Variants in WDR27 observed in about 807,000 individuals in gnomAD.
WDR27 encodes the protein WD repeat domain 27, also known as WD repeat-containing protein 27.
In WDR27, 100 loss-of-function variants were observed where a neutral mutation model predicts 114.4. That is an observed-to-expected ratio of 0.87 (90% CI 0.74 to 1.03). The LOEUF is 1.03. Ranked by LOEUF, WDR27 falls within the 50% of genes least tolerant of loss-of-function variation. WDR27 has a pLI of 0.00. For missense variants in WDR27, 1,129 were observed against 1,092.9 expected, an observed-to-expected ratio of 1.03 and a Z score of -0.47; for synonymous variants, 449 against 423.1, an observed-to-expected ratio of 1.06 and a Z score of -0.75.
At chr6:169,511,824 A>G (rs1583881168) in intron 25 of WDR27, among the ~76,000 whole-genome samples, 1 of 152,218 alleles carries the variant, frequency 6.6e-6, no homozygotes, top group Admixed American at 6.5e-5. Context: ...AAATTGATGG[A>G]TAGATGGGTG....
intron 8 of WDR27, 89 bp downstream of exon 8, chr6:169,664,077 T>A: frequency 8.1e-7 from 1 of 1,227,310 alleles, no homozygotes; most frequent in Non-Finnish European, 1.1e-6. Context: ...GATCTCTCTC[T>A]CCCCTGTGTG....
chr6:169,658,106 C>G (rs961947517), intron 13 of WDR27, 170 bp downstream of exon 13: 2 of 585,542 alleles, frequency 3.4e-6, no homozygotes, highest in African/African-American at 3.7e-5. Flanking sequence ...TTCCCCACCA[C>G]AGCGGACATG....
intron 7 of WDR27, chr6:169,664,761 A>C (rs1827302110): frequency 1.0e-6 from 1 of 995,044 alleles, no homozygotes; most frequent in East Asian, 1.1e-4. Flanking sequence ...ATGAACTTAA[A>C]AGGCTCACCT....
the WDR27 span, among the ~76,000 whole-genome samples, chr6:169,428,611 G>C: frequency 2.0e-5 from 3 of 151,256 alleles, no homozygotes; most frequent in East Asian, 5.8e-4. Flanking sequence ...GGGGGGGAGG[G>C]GGGGGTTCTA....
chr6:169,613,526 AC>A, intron 22 of WDR27, 32 bp downstream of exon 22: 1 of 1,526,558 alleles, frequency 6.6e-7, no homozygotes, highest in Non-Finnish European at 9.1e-7. Flanking sequence ...TGAGCTCCCC[AC>A]CCCTGCAGTG....
chr6:169,635,653 C>T (rs775924827), intron 19 of WDR27, among the ~76,000 whole-genome samples: 13 of 152,220 alleles, frequency 8.5e-5, no homozygotes, highest in Non-Finnish European at 1.5e-4. Flanking sequence ...GGTCCCAACC[C>T]GATGTCCCTC....
chr6:169,583,504 TGTATATATACAC>T (rs1477792960), intron 23 of WDR27, among the ~76,000 whole-genome samples: 659 of 25,042 alleles, frequency 0.026, 9 homozygotes, highest in Admixed American at 0.044. Context: ...TATATATATA[TGTATATATACAC>T]ACACACACAC....
chr6:169,455,838 G>T (rs1367228668), downstream of WDR27, among the ~76,000 whole-genome samples: 5 of 152,180 alleles, frequency 3.3e-5, no homozygotes, highest in African/African-American at 1.2e-4. Flanking sequence ...AGTTTGTTTT[G>T]TCCTAAGTCT....
the WDR27 span, among the ~76,000 whole-genome samples, chr6:169,428,691 C>T: frequency 1.3e-5 from 2 of 152,182 alleles, no homozygotes; most frequent in Non-Finnish European, 1.5e-5. Flanking sequence ...GCAGCAGAGC[C>T]TGCAGTGAAG....
At chr6:169,652,793 T>C (rs527369935) in intron 13 of WDR27, among the ~76,000 whole-genome samples, 1 of 152,392 alleles carries the variant, frequency 6.6e-6, no homozygotes, top group South Asian at 2.1e-4. Context: ...AAACTATTTA[T>C]ATAATTGTTC....
chr6:169,663,465 A>G (rs1326220072), intron 8 of WDR27: 2 of 152,238 alleles, frequency 1.3e-5, no homozygotes, highest in Non-Finnish European at 1.5e-5. Context: ...TGCACACACC[A>G]ATGAAAGAGG....
At chr6:169,465,268 A>G (rs1158494084) in intron 25 of WDR27, among the ~76,000 whole-genome samples, 3 of 151,178 alleles carry the variant, frequency 2.0e-5, no homozygotes, top group Non-Finnish European at 3.0e-5. Context: ...CAAAAAAAAA[A>G]AAAAAAAAAA....
chr6:169,666,171 T>C (rs965493127), intron 6 of WDR27, among the ~76,000 whole-genome samples: 3 of 152,220 alleles, frequency 2.0e-5, no homozygotes, highest in African/African-American at 4.8e-5. Flanking sequence ...AAGTGTATCA[T>C]TGTTCTTGGC....
chr6:169,578,700 G>A (rs139267031), intron 24 of WDR27, among the ~76,000 whole-genome samples: 29 of 152,194 alleles, frequency 1.9e-4, no homozygotes, highest in Admixed American at 3.9e-4. Flanking sequence ...ACAAGAACTC[G>A]ATAACGAGGA....
chr6:169,489,802 T>C (rs9478030), intron 25 of WDR27, among the ~76,000 whole-genome samples: 52,790 of 152,074 alleles, frequency 0.35, 10,028 homozygotes, highest in African/African-American at 0.51. Flanking sequence ...ATTCTATAAT[T>C]TCATGATTTC....
chr6:169,693,632 G>C (rs1006621584), intron 1 of WDR27, among the ~76,000 whole-genome samples: 1 of 151,662 alleles, frequency 6.6e-6, no homozygotes, highest in Non-Finnish European at 1.5e-5. Flanking sequence ...AGGTAAAGGA[G>C]AGGAAAAAGA....
chr6:169,612,631 T>TAAAAAAAAAAAA (rs59134868), intron 22 of WDR27, among the ~76,000 whole-genome samples: 1 of 97,020 alleles, frequency 1.0e-5, no homozygotes, highest in African/African-American at 4.1e-5. Context: ...CTGTCTAACA[T>TAAAAAAAAAAAA]AAAAAAAAAA....
At chr6:169,498,222 A>G (rs4716360) in intron 25 of WDR27, among the ~76,000 whole-genome samples, 54,258 of 151,862 alleles carry the variant, frequency 0.36, 10,744 homozygotes, top group African/African-American at 0.53. Flanking sequence ...AGACAGATTC[A>G]AATCTCTCAT....
At chr6:169,475,496 T>TA (rs1176613795) in intron 25 of WDR27, among the ~76,000 whole-genome samples, 11 of 152,248 alleles carry the variant, frequency 7.2e-5, no homozygotes, top group African/African-American at 2.7e-4. Flanking sequence ...GTGCCAGGAT[T>TA]ATAGGTATGA....
Sources: allele counts gnomAD v4.1 joint callset (sites outside exome capture counted in the v4.1 genomes callset), GRCh38; gene constraint gnomAD v4.1.1; transcripts MANE v1.5; gene names NCBI Gene and HGNC (gene_info 2026-07-23, HGNC 2026-07-21).